Variants in C1GALT1 observed in about 807,000 individuals in gnomAD.
The protein encoded by C1GALT1 is core 1 synthase, glycoprotein-N-acetylgalactosamine 3-beta-galactosyltransferase 1, also known as glycoprotein-N-acetylgalactosamine 3-beta-galactosyltransferase 1.
In C1GALT1, 11 loss-of-function variants were observed where a neutral mutation model predicts 31.0. That is an observed-to-expected ratio of 0.36 (90% CI 0.22 to 0.59). C1GALT1 has a LOEUF of 0.59. C1GALT1 is among the 20% of genes least tolerant of loss of function. The pLI is 0.79. For synonymous variants in C1GALT1, 175 were observed against 143.6 expected (o/e 1.22, Z -1.56); for missense variants, 424 against 425.2 (o/e 1.00, Z 0.03).
chr7:7,183,532 T>C (rs1583738201), intron 1 of C1GALT1: 1 of 982,700 alleles, frequency 1.0e-6, no homozygotes, highest in South Asian at 4.7e-5. Flanking sequence ...ACCCCATTTT[T>C]CCCCAACAAA....
At chr7:7,179,078 C>T (rs142580486), upstream of C1GALT1, among the ~76,000 whole-genome samples, 12 of 152,296 alleles carry the variant, frequency 7.9e-5, no homozygotes, top group Non-Finnish European at 1.5e-4. Flanking sequence ...AATACCTCAC[C>T]GGTTGTTGGC....
At chr7:7,173,984 G>T (rs1322382099) in intron 2 of C1GALT1, among the ~76,000 whole-genome samples, 1 of 152,080 alleles carries the variant, frequency 6.6e-6, no homozygotes, top group Admixed American at 6.6e-5. Flanking sequence ...CACAGTTCTG[G>T]AGGCTGGAAA....
intron 1 of C1GALT1, among the ~76,000 whole-genome samples, chr7:7,192,971 T>G (rs949646836): frequency 6.6e-6 from 1 of 152,208 alleles, no homozygotes; most frequent in Admixed American, 6.5e-5. Flanking sequence ...AATTGTCTAT[T>G]CATGTCCTTA....
intron 1 of C1GALT1, among the ~76,000 whole-genome samples, chr7:7,194,621 G>A (rs879731644): frequency 1.3e-4 from 20 of 151,706 alleles, no homozygotes; most frequent in Non-Finnish European, 1.9e-4. Context: ...AGGGATATTG[G>A]CCTGTAGTTT....
At chr7:7,176,261 T>G (rs138475713) in intron 2 of C1GALT1, among the ~76,000 whole-genome samples, 74 of 152,248 alleles carry the variant, frequency 4.9e-4, no homozygotes, top group African/African-American at 1.5e-3. Flanking sequence ...AGGTCCACCT[T>G]TAGATTTAGA....
At chr7:7,227,010 CTAA>C (rs1216290587) in intron 1 of C1GALT1, among the ~76,000 whole-genome samples, 1 of 152,030 alleles carries the variant, frequency 6.6e-6, no homozygotes. Flanking sequence ...TAGATAGTGC[CTAA>C]AATTGAGCTT....
At chr7:7,174,473 G>A (rs2128227646) in intron 2 of C1GALT1, among the ~76,000 whole-genome samples, 1 of 152,208 alleles carries the variant, frequency 6.6e-6, no homozygotes, top group East Asian at 1.9e-4. Flanking sequence ...ACCAGGTGTG[G>A]TGGCCCATGC....
intron 1 of C1GALT1, among the ~76,000 whole-genome samples, chr7:7,209,105 C>G (rs1026277833): frequency 6.6e-6 from 1 of 152,134 alleles, no homozygotes; most frequent in Non-Finnish European, 1.5e-5. Context: ...CTTGTCTTTC[C>G]ATTTACTCGT....
intron 2 of C1GALT1, among the ~76,000 whole-genome samples, chr7:7,167,416 T>C (rs1780410161): frequency 6.6e-6 from 1 of 152,186 alleles, no homozygotes; most frequent in Non-Finnish European, 1.5e-5. Context: ...AAAAATGTTA[T>C]ACTGCACATT....
chr7:7,222,906 T>TTTGG (rs78327011), intron 1 of C1GALT1, among the ~76,000 whole-genome samples: 2 of 95,192 alleles, frequency 2.1e-5, no homozygotes, highest in African/African-American at 1.4e-4. Flanking sequence ...GTGAGTTTTT[T>TTTGG]TTTGGTTTTA....
At chr7:7,170,592 G>A (rs549286516) in intron 2 of C1GALT1, among the ~76,000 whole-genome samples, 1 of 152,168 alleles carries the variant, frequency 6.6e-6, no homozygotes, top group African/African-American at 2.4e-5. Flanking sequence ...AGACCAGCCT[G>A]GCCAACATGG....
chr7:7,216,017 G>T (rs1158243480), intron 1 of C1GALT1, among the ~76,000 whole-genome samples: 2 of 151,806 alleles, frequency 1.3e-5, no homozygotes. Flanking sequence ...TTTTCCCTGG[G>T]CCTGCCCAAT....
chr7:7,190,144 A>G (rs994286679), intron 1 of C1GALT1, among the ~76,000 whole-genome samples: 1 of 152,190 alleles, frequency 6.6e-6, no homozygotes, highest in African/African-American at 2.4e-5. Context: ...CAGCATTTCT[A>G]AAGAAGGAAC....
At chr7:7,215,396 G>A (rs1782190757) in intron 1 of C1GALT1, among the ~76,000 whole-genome samples, 2 of 151,600 alleles carry the variant, frequency 1.3e-5, no homozygotes, top group African/African-American at 4.9e-5. Flanking sequence ...AGTTTGTGCC[G>A]GGAGAGAAAA....
At position 7,234,474 on chromosome 7, in the gene C1GALT1, A is replaced by T. The variant is rs562927964; in HGVS notation, c.155A>T (p.Asp52Val). 1.9e-6 allele frequency: 3 copies of T among 1,613,986 alleles called. No individual in the cohort carries two copies. Among genetic ancestry groups the T allele is most frequent in the African/African-American group, 1.3e-5 (1 of 75,046 alleles). ...AATGATCCTCATGCAAGGCATTCAG[A>T]TGATAATGGACAGAATCATCTAGAA... Reference protein sequence around the residue: ...LHNDPHARHSDDNGQNHLEGQ... With the variant: ...LHNDPHARHSVDNGQNHLEGQ... The change falls in exon 2 of 4, where the codon GAT becomes GTT. Residue 52 changes from aspartate (D) to valine (V), a missense_variant. This residue lies in a region of C1GALT1 where 189 missense variants were observed against 158.2 expected (regional missense o/e 1.19). Transcript: ENST00000436587.
rs1780636725 is a variant in C1GALT1, at chr7:7,182,694, C to G, written c.-144C>G. ...TGCCGGGGAATAATCTGGGCGGCAG[C>G]GGGCGGCCTCGGCTAGCGGCCACGA... On this transcript the variant is annotated 5_prime_UTR_variant, in exon 1 of 4. Coordinates refer to ENST00000436587, the MANE Select transcript of C1GALT1 (RefSeq NM_020156.5). 2 of 591,160 alleles carry G rather than the reference C, an allele frequency of 3.4e-6. No homozygotes were observed. Among genetic ancestry groups the G allele is most frequent in the African/African-American group, 4.0e-5 (2 of 49,510 alleles). 36.6% of individuals were successfully genotyped at this position (591,160 alleles called of 1,614,324 possible).
At chr7:7,237,961 A>C (rs1039408093) in intron 2 of C1GALT1, among the ~76,000 whole-genome samples, 9 of 152,296 alleles carry the variant, frequency 5.9e-5, no homozygotes, top group Non-Finnish European at 1.2e-4. Context: ...TGCATTTCTA[A>C]CAGGCTCCCA....
chr7:7,227,325 ATTGGTTTAT>A (rs1275273094), intron 1 of C1GALT1, among the ~76,000 whole-genome samples: 2 of 152,164 alleles, frequency 1.3e-5, no homozygotes, highest in African/African-American at 4.8e-5. Flanking sequence ...TAAGGAAGTG[ATTGGTTTAT>A]GAGACAGACC....
intron 2 of C1GALT1, among the ~76,000 whole-genome samples, chr7:7,168,735 C>G (rs1384571128): frequency 1.3e-5 from 2 of 152,196 alleles, no homozygotes; most frequent in Non-Finnish European, 2.9e-5. Context: ...AGAATATTGT[C>G]TACCTACAAA....
Sources: gnomAD v4.1 joint callset for allele counts (sites outside exome capture counted in the v4.1 genomes callset) on GRCh38, gnomAD v4.1.1 for gene constraint, gnomAD v4.1.1 regional missense constraint, MANE v1.5 for transcripts, NCBI Gene and HGNC (gene_info 2026-07-23, HGNC 2026-07-21) for gene names.